Variants in FGF12 observed in about 807,000 individuals in gnomAD.
FGF12 encodes fibroblast growth factor 12B.
In FGF12, 14 loss-of-function variants were observed where a neutral mutation model predicts 23.6. The observed-to-expected ratio is 0.59, with a 90% CI of 0.39 to 0.93. The LOEUF is 0.93. Ranked by LOEUF, FGF12 falls within the 40% of genes least tolerant of loss-of-function variation. FGF12 has a pLI of 0.00. For missense variants in FGF12, 175 were observed against 217.8 expected, an observed-to-expected ratio of 0.80 and a Z score of 1.24; for synonymous variants, 62 against 77.3, an observed-to-expected ratio of 0.80 and a Z score of 1.04.
chr3:192,391,048 A>G (rs1576941180), intron 2 of FGF12, among the ~76,000 whole-genome samples: 1 of 152,214 alleles, frequency 6.6e-6, no homozygotes, highest in East Asian at 1.9e-4. Flanking sequence ...AATATAGAGG[A>G]GACAAGTGAA....
chr3:192,537,930 C>A (rs915196130), intron 2 of FGF12, among the ~76,000 whole-genome samples: 1 of 131,686 alleles, frequency 7.6e-6, no homozygotes, highest in Non-Finnish European at 1.7e-5. Flanking sequence ...AGTGTAAGGT[C>A]TTAGATTTAA....
chr3:192,701,347 C>G (rs1718291657), intron 2 of FGF12, among the ~76,000 whole-genome samples: 1 of 152,182 alleles, frequency 6.6e-6, no homozygotes, highest in South Asian at 2.1e-4. Context: ...CAAGCCGTAG[C>G]CCGACCACTC....
At chr3:192,156,175 T>C (rs566350457) in intron 5 of FGF12, among the ~76,000 whole-genome samples, 50 of 152,222 alleles carry the variant, frequency 3.3e-4, no homozygotes, top group Admixed American at 1.2e-3. Context: ...TGATAAGCAG[T>C]AATTTCTAGA....
At chr3:192,273,468 C>T (rs1054662867) in intron 4 of FGF12, among the ~76,000 whole-genome samples, 2 of 152,148 alleles carry the variant, frequency 1.3e-5, no homozygotes, top group African/African-American at 2.4e-5. Flanking sequence ...GAGAGTCCTG[C>T]ATGCTAGGCA....
intron 2 of FGF12, among the ~76,000 whole-genome samples, chr3:192,411,412 C>T (rs894458220): frequency 4.6e-5 from 7 of 152,162 alleles, no homozygotes; most frequent in African/African-American, 1.4e-4. Context: ...AGCACACATC[C>T]CCTGCAGCAG....
intron 4 of FGF12, among the ~76,000 whole-genome samples, chr3:192,288,152 T>C (rs572274278): frequency 2.0e-5 from 3 of 152,094 alleles, no homozygotes; most frequent in African/African-American, 7.2e-5. Flanking sequence ...TTTCAAGCGA[T>C]GTGTGGGCAG....
chr3:192,408,735 C>A lies in FGF12; in HGVS notation c.14-48197G>T, dbSNP rs1014667213. ...AGTCTGGACCCAGGCGGGTAGCGCG[C>A]CCCCGGTAGAAAATACTAAAAAGTG... On this transcript the variant is annotated intron_variant, in intron 2 of 5. Transcript: ENST00000445105. This position sits in a 1 kb window ranked among gnomAD's most constrained non-coding sequence, Gnocchi z 7.3. 2.9e-5 allele frequency: 29 copies of A among 986,820 alleles called. No individual in the cohort carries two copies. Among genetic ancestry groups the A allele is most frequent in the Non-Finnish European group, 3.5e-5 (29 of 831,024 alleles). 61.1% of individuals were successfully genotyped at this position (986,820 alleles called of 1,614,324 possible).
chr3:192,694,607 G>A (rs958324434), intron 2 of FGF12, among the ~76,000 whole-genome samples: 14 of 151,772 alleles, frequency 9.2e-5, no homozygotes, highest in African/African-American at 3.1e-4. Flanking sequence ...ACATATATAT[G>A]TACGTAGAGA....
rs60141615 is a variant in FGF12 at position 192,703,038 on chromosome 3, G to A, written c.13+24143C>T. Among the ~76,000 whole-genome samples, 16 of 152,088 alleles carry A rather than the reference G, an allele frequency of 1.1e-4. No homozygotes were observed. The East Asian group carries it at 2.5e-3, about 24-fold the overall frequency. On this transcript the variant is annotated intron_variant, in intron 2 of 5. Coordinates refer to ENST00000445105, the MANE Select transcript of FGF12 (RefSeq NM_004113.6). ...AGTCTGTTTAATATTTAAATAAAAC[G>A]GTACATAAGAAACACTTATAATCTA...
At chr3:192,250,331 T>G (rs1163994827) in intron 4 of FGF12, among the ~76,000 whole-genome samples, 1 of 152,102 alleles carries the variant, frequency 6.6e-6, no homozygotes, top group Middle Eastern at 3.2e-3. Flanking sequence ...TAAGGAAAAA[T>G]TAGAGTCATT....
intron 4 of FGF12, among the ~76,000 whole-genome samples, chr3:192,240,742 T>TC (rs1023074385): frequency 5.9e-5 from 9 of 152,134 alleles, no homozygotes; most frequent in African/African-American, 2.2e-4. Context: ...AAGACATATC[T>TC]CCCCCCAATT....
chr3:192,553,649 A>G (rs1231678750), intron 2 of FGF12, among the ~76,000 whole-genome samples: 3 of 152,200 alleles, frequency 2.0e-5, no homozygotes, highest in Non-Finnish European at 4.4e-5. Flanking sequence ...AGCCAAATGC[A>G]TTGAAACCAG....
At chr3:192,368,988 C>T (rs1719107694) in intron 2 of FGF12, among the ~76,000 whole-genome samples, 1 of 152,106 alleles carries the variant, frequency 6.6e-6, no homozygotes. Flanking sequence ...TCCCTGACAC[C>T]CTGAGGCAAA....
intron 3 of FGF12, among the ~76,000 whole-genome samples, chr3:192,355,553 G>A (rs764895349): frequency 1.1e-4 from 16 of 152,110 alleles, no homozygotes; most frequent in African/African-American, 3.6e-4. Flanking sequence ...AATAACACTC[G>A]GCAAGGAGGA....
intron 4 of FGF12, among the ~76,000 whole-genome samples, chr3:192,258,331 G>A (rs1045760287): frequency 3.9e-5 from 6 of 152,038 alleles, no homozygotes; most frequent in Non-Finnish European, 8.8e-5. Flanking sequence ...GGTAGTGCAC[G>A]TGTGTAGTCC....
rs538246272 is a variant in FGF12 at position 192,589,238 on chromosome 3, G to A, written c.13+137943C>T. Among the ~76,000 whole-genome samples the A allele has an allele frequency of 1.8e-3, 272 of 151,414 alleles. 4 individuals carry two copies. The highest frequency in any genetic ancestry group is 2.5e-3 in the Non-Finnish European group (170 of 67,764). ...CAGTCCCAGCTACTCGGGAGGCTGAGGCAGGAGAATCACTTGAACCCAGGA... is the reference window on the plus strand; with the variant it reads ...CAGTCCCAGCTACTCGGGAGGCTGAAGCAGGAGAATCACTTGAACCCAGGA... On this transcript the variant is annotated intron_variant, in intron 2 of 5. Transcript: ENST00000445105.
chr3:192,667,139 C>T (rs1300026287), intron 2 of FGF12, among the ~76,000 whole-genome samples: 1 of 152,142 alleles, frequency 6.6e-6, no homozygotes, highest in African/African-American at 2.4e-5. Flanking sequence ...TGCTGGGATT[C>T]AGATAACAAT....
intron 4 of FGF12, among the ~76,000 whole-genome samples, chr3:192,224,896 A>T (rs1365475978): frequency 6.6e-6 from 1 of 152,042 alleles, no homozygotes; most frequent in Non-Finnish European, 1.5e-5. Context: ...CCAGTATGTA[A>T]ATGAATCAGC....
At chr3:192,634,198 C>T (rs1339221169) in intron 2 of FGF12, among the ~76,000 whole-genome samples, 2 of 152,024 alleles carry the variant, frequency 1.3e-5, no homozygotes, top group African/African-American at 2.4e-5. Context: ...TGCCTACACA[C>T]GTAGATTCAT....
Sources: allele counts gnomAD v4.1 joint callset (sites outside exome capture counted in the v4.1 genomes callset), GRCh38; gene constraint gnomAD v4.1.1; non-coding constraint Gnocchi (gnomAD v3.1); transcripts MANE v1.5; gene names NCBI Gene and HGNC (gene_info 2026-07-23, HGNC 2026-07-21).